The following NTM variants were observed in gnomAD, a reference collection of about 807,000 sequenced individuals.
NTM encodes the protein IgLON family member 2.
In NTM, 13 loss-of-function variants were observed where a neutral mutation model predicts 42.1. The observed-to-expected ratio is 0.31, with a 90% CI of 0.20 to 0.49. NTM has a LOEUF of 0.49. Among genes scored for constraint, NTM ranks in the 20% least tolerant of loss-of-function variants. The pLI is 0.99. For synonymous variants in NTM, 187 were observed against 179.2 expected, an observed-to-expected ratio of 1.04 and a Z score of -0.35; for missense variants, 373 against 452.8, an observed-to-expected ratio of 0.82 and a Z score of 1.60.
At chr11:131,545,731 A>C (rs1169080513) in intron 1 of NTM, among the ~76,000 whole-genome samples, 1 of 152,236 alleles carries the variant, frequency 6.6e-6, no homozygotes, top group Non-Finnish European at 1.5e-5. Context: ...CATATTAGCG[A>C]AACTTCCTAA....
At chr11:132,327,607 A>G (rs1322706166) in intron 7 of NTM, among the ~76,000 whole-genome samples, 1 of 152,158 alleles carries the variant, frequency 6.6e-6, no homozygotes. Flanking sequence ...TCCTCTGCCC[A>G]CTAGAGCCAG....
At chr11:132,184,513 G>A (rs1247028574) in intron 3 of NTM, among the ~76,000 whole-genome samples, 1 of 152,070 alleles carries the variant, frequency 6.6e-6, no homozygotes, top group Non-Finnish European at 1.5e-5. Flanking sequence ...TTTTTCTTGA[G>A]GCAGGACACA....
At position 131,766,115 on chromosome 11, in the gene NTM, C is replaced by A. The variant is rs115026284; in HGVS notation, c.83-145449C>A. Reference sequence around the variant, plus strand: ...GTCCCATACTCTTGTCTTTTTAGACCTGCATACCTCACACAGCTCAGACGG... The same window carrying A: ...GTCCCATACTCTTGTCTTTTTAGACATGCATACCTCACACAGCTCAGACGG... On this transcript the variant is annotated intron_variant, in intron 1 of 8. Transcript: ENST00000683400. Among the ~76,000 whole-genome samples the A allele has an allele frequency of 3.6e-3, 550 of 152,284 alleles. 5 individuals carry two copies. The highest frequency in any genetic ancestry group is 0.012 in the African/African-American group (505 of 41,568).
intron 2 of NTM, among the ~76,000 whole-genome samples, chr11:131,916,632 T>G (rs889620722): frequency 3.9e-5 from 6 of 152,150 alleles, no homozygotes; most frequent in African/African-American, 1.2e-4. Context: ...GCTCATGTCA[T>G]GTAAGGTGCT....
intron 2 of NTM, among the ~76,000 whole-genome samples, chr11:132,128,731 G>A (rs1449523988): frequency 6.6e-6 from 1 of 151,054 alleles, no homozygotes; most frequent in African/African-American, 2.4e-5. Context: ...TGGCTAACAC[G>A]GTGAAACCCC....
chr11:132,020,018 A>G (rs938279534), intron 2 of NTM, among the ~76,000 whole-genome samples: 2 of 151,868 alleles, frequency 1.3e-5, no homozygotes, highest in African/African-American at 2.4e-5. Context: ...CCCCATGTCT[A>G]TTATTCCCAT....
intron 1 of NTM, among the ~76,000 whole-genome samples, chr11:131,867,973 A>G (rs2047395162): frequency 6.6e-6 from 1 of 152,122 alleles, no homozygotes; most frequent in African/African-American, 2.4e-5. Context: ...ATCTGCATGG[A>G]GAGAGAGGAA....
At chr11:132,228,037 A>C (rs1481127074) in intron 4 of NTM, among the ~76,000 whole-genome samples, 1 of 152,196 alleles carries the variant, frequency 6.6e-6, no homozygotes, top group Non-Finnish European at 1.5e-5. Flanking sequence ...TTTTCAAAAA[A>C]GATGCCACAG....
rs529013673 is a variant in NTM at position 131,994,243 on chromosome 11, C to G, written c.167+82595C>G. On this transcript the variant is annotated intron_variant, in intron 2 of 8. Transcript: ENST00000683400. The stretch of plus-strand genomic sequence containing the variant: ...GTTATTTACATACATATCTGTCTTC[C>G]CTACCTAATGGTAAACTTCTTTTGC... Among the ~76,000 whole-genome samples the G allele has an allele frequency of 2.6e-5, 4 of 152,240 alleles. No individual in the cohort carries two copies. The South Asian group carries it at 8.3e-4, about 32-fold the overall frequency.
chr11:132,299,924 A>G (rs2094780871), intron 4 of NTM, among the ~76,000 whole-genome samples: 2 of 151,918 alleles, frequency 1.3e-5, no homozygotes, highest in South Asian at 2.1e-4. Context: ...ATATATATAT[A>G]GATATAAAAT....
intron 1 of NTM, among the ~76,000 whole-genome samples, chr11:131,683,950 G>GGC (rs1486942218): frequency 6.6e-6 from 1 of 152,178 alleles, no homozygotes; most frequent in Non-Finnish European, 1.5e-5. Context: ...CGTTCTGAAG[G>GGC]GCAGGCGGTG....
intron 4 of NTM, among the ~76,000 whole-genome samples, chr11:132,271,058 G>C (rs2093453778): frequency 6.6e-6 from 1 of 152,094 alleles, no homozygotes; most frequent in Admixed American, 6.6e-5. Context: ...CCTTTTGTAA[G>C]TGACCTTCAT....
intron 2 of NTM, among the ~76,000 whole-genome samples, chr11:131,982,781 T>C (rs1259991198): frequency 6.6e-6 from 1 of 152,208 alleles, no homozygotes; most frequent in Non-Finnish European, 1.5e-5. Context: ...TTAAAACCTT[T>C]CCTTGTTAGT....
chr11:131,689,339 T>C (rs7937324), intron 1 of NTM, among the ~76,000 whole-genome samples: 18 of 152,110 alleles, frequency 1.2e-4, no homozygotes, highest in Admixed American at 7.2e-4. Flanking sequence ...CTAGCCATGG[T>C]AAAAAGGCTT....
intron 4 of NTM, among the ~76,000 whole-genome samples, chr11:132,280,990 T>TGGGTCAGG (rs1460761638): frequency 1.3e-5 from 2 of 152,254 alleles, no homozygotes; most frequent in African/African-American, 4.8e-5. Context: ...TTAGCAGCTT[T>TGGGTCAGG]GATCTTTTTT....
intron 1 of NTM, among the ~76,000 whole-genome samples, chr11:131,830,081 C>T (rs1029946545): frequency 6.6e-6 from 1 of 152,112 alleles, no homozygotes; most frequent in Non-Finnish European, 1.5e-5. Context: ...TCCATATTGA[C>T]CTTTGTTGAA....
intron 1 of NTM, among the ~76,000 whole-genome samples, chr11:131,770,236 G>T (rs980868052): frequency 4.6e-5 from 7 of 152,212 alleles, no homozygotes; most frequent in Non-Finnish European, 1.0e-4. Context: ...GAGACCAGAA[G>T]TCCCCGCTGA....
rs1274891327 is a variant in NTM at position 132,268,707 on chromosome 11, A to G, written c.527-38982A>G. On this transcript the variant is annotated intron_variant, in intron 4 of 8. Transcript: ENST00000683400. ...GTGTGTGTGTGTGTGTGTTTTAGAT[A>G]GTGCGTTAAATTTAGGATAATTTTG... 2.7e-5 allele frequency among the ~76,000 whole-genome samples: 4 copies of G among 148,714 alleles called. No homozygotes were observed. In the East Asian group the frequency reaches 8.1e-4, roughly 30 times the overall value.
chr11:131,519,160 G>A (rs2049271598), intron 1 of NTM, among the ~76,000 whole-genome samples: 1 of 152,132 alleles, frequency 6.6e-6, no homozygotes, highest in South Asian at 2.1e-4. Context: ...GAGAAGCCCT[G>A]AGTTTCAAAT....
Sources: gnomAD v4.1 joint callset for allele counts (sites outside exome capture counted in the v4.1 genomes callset) on GRCh38, gnomAD v4.1.1 for gene constraint, MANE v1.5 for transcripts, NCBI Gene and HGNC (gene_info 2026-07-23, HGNC 2026-07-21) for gene names.